The following FSTL5 variants were observed in gnomAD, a reference collection of about 807,000 sequenced individuals.
The protein encoded by FSTL5 is follistatin-related protein 5.
FSTL5 carries 62 observed loss-of-function variants against 89.1 expected under a neutral mutation model. The observed-to-expected ratio is 0.70, with a 90% CI of 0.57 to 0.86. The LOEUF (loss-of-function observed/expected upper bound fraction) is 0.86, where lower values mean the gene tolerates loss of function less well. FSTL5 is among the 40% of genes least tolerant of loss of function. The pLI, the probability that FSTL5 is intolerant of heterozygous loss-of-function variation, is 0.00. For synonymous variants in FSTL5, 383 were observed against 346.2 expected (o/e 1.11, Z -1.18); for missense variants, 1,057 against 1,001.6 (o/e 1.06, Z -0.75).
chr4:162,064,984 C>T (rs570701468), intron 2 of FSTL5, among the ~76,000 whole-genome samples: 6 of 151,780 alleles, frequency 4.0e-5, no homozygotes, highest in Non-Finnish European at 8.8e-5. Context: ...GGGAAGAGTG[C>T]CATGAATACA....
chr4:161,828,397 G>A (rs192076492), intron 4 of FSTL5, among the ~76,000 whole-genome samples: 1 of 152,240 alleles, frequency 6.6e-6, no homozygotes, highest in Admixed American at 6.5e-5. Context: ...TGCAGTTCCT[G>A]GAGTAAAAGT....
intron 2 of FSTL5, among the ~76,000 whole-genome samples, chr4:162,046,265 C>G (rs1327486463): frequency 6.6e-6 from 1 of 152,080 alleles, no homozygotes; most frequent in Non-Finnish European, 1.5e-5. Flanking sequence ...ACTTACAACA[C>G]AATGTTAAAG....
chr4:162,007,138 T>C (rs1485918662), intron 3 of FSTL5, among the ~76,000 whole-genome samples: 1 of 151,836 alleles, frequency 6.6e-6, no homozygotes, highest in Admixed American at 6.6e-5. Flanking sequence ...ATAAAGAAAA[T>C]TTTAAAAAGA....
At chr4:162,050,971 A>G (rs1316423113) in intron 2 of FSTL5, among the ~76,000 whole-genome samples, 2 of 151,568 alleles carry the variant, frequency 1.3e-5, no homozygotes, top group African/African-American at 2.4e-5. Context: ...ATGTAACAAT[A>G]ATAATAATAA....
intron 6 of FSTL5, among the ~76,000 whole-genome samples, chr4:161,747,804 T>C (rs1463538852): frequency 1.3e-5 from 2 of 152,216 alleles, no homozygotes; most frequent in Non-Finnish European, 2.9e-5. Flanking sequence ...ACACAGCACT[T>C]AGTGTACACA....
intron 6 of FSTL5, among the ~76,000 whole-genome samples, chr4:161,684,961 C>T (rs1350090702): frequency 6.6e-6 from 1 of 152,144 alleles, no homozygotes; most frequent in African/African-American, 2.4e-5. Context: ...TTTCATTCTC[C>T]TACATATGGC....
At chr4:161,755,719 G>A (rs955718832) in intron 6 of FSTL5, among the ~76,000 whole-genome samples, 8 of 151,978 alleles carry the variant, frequency 5.3e-5, no homozygotes, top group Non-Finnish European at 1.0e-4. Flanking sequence ...ATTCCTAGGG[G>A]AAAGGAAACC....
intron 3 of FSTL5, among the ~76,000 whole-genome samples, chr4:161,923,944 C>T (rs1161982257): frequency 6.6e-6 from 1 of 151,718 alleles, no homozygotes; most frequent in African/African-American, 2.4e-5. Context: ...CCAAAGAAAG[C>T]TCATATTATG....
At chr4:161,669,794 C>G (rs1214490496) in intron 6 of FSTL5, among the ~76,000 whole-genome samples, 1 of 151,754 alleles carries the variant, frequency 6.6e-6, no homozygotes, top group Non-Finnish European at 1.5e-5. Context: ...TAATTAATAA[C>G]AAGAGGAAAA....
At chr4:161,998,465 A>T (rs1186486132) in intron 3 of FSTL5, among the ~76,000 whole-genome samples, 1 of 152,134 alleles carries the variant, frequency 6.6e-6, no homozygotes, top group Non-Finnish European at 1.5e-5. Context: ...CCCCTTTAGG[A>T]AGACTCTCCT....
chr4:161,431,719 G>C (rs1055054076), intron 15 of FSTL5, among the ~76,000 whole-genome samples: 1 of 151,910 alleles, frequency 6.6e-6, no homozygotes, highest in Admixed American at 6.6e-5. Flanking sequence ...ACCTACAAGA[G>C]ACACATTTCA....
chr4:161,751,804 G>A (rs2126782390), intron 6 of FSTL5, among the ~76,000 whole-genome samples: 1 of 151,364 alleles, frequency 6.6e-6, no homozygotes, highest in Non-Finnish European at 1.5e-5. Context: ...AAAAAAGGAT[G>A]ATCATACAAA....
chr4:161,723,822 T>G (rs543063216), intron 6 of FSTL5, among the ~76,000 whole-genome samples: 3 of 152,114 alleles, frequency 2.0e-5, no homozygotes, highest in African/African-American at 7.2e-5. Flanking sequence ...ACATCAGATT[T>G]GAGAAAAGGT....
intron 1 of FSTL5, among the ~76,000 whole-genome samples, chr4:162,129,066 G>A (rs1732195137): frequency 6.6e-6 from 1 of 151,932 alleles, no homozygotes; most frequent in African/African-American, 2.4e-5. Flanking sequence ...CCAAGTAGCT[G>A]GGATTACAGG....
chr4:161,924,501 T>C (rs1488160402), intron 3 of FSTL5, among the ~76,000 whole-genome samples: 1 of 151,700 alleles, frequency 6.6e-6, no homozygotes, highest in African/African-American at 2.4e-5. Flanking sequence ...TTGGTTGGTA[T>C]ATGATACATA....
intron 6 of FSTL5, among the ~76,000 whole-genome samples, chr4:161,693,206 C>T (rs1415544466): frequency 6.6e-6 from 1 of 152,114 alleles, no homozygotes; most frequent in Non-Finnish European, 1.5e-5. Flanking sequence ...TGGTTAGCTA[C>T]CATTTTCTTA....
At chr4:161,690,381 G>A (rs1737889610) in intron 6 of FSTL5, among the ~76,000 whole-genome samples, 1 of 151,878 alleles carries the variant, frequency 6.6e-6, no homozygotes, top group Middle Eastern at 3.2e-3. Flanking sequence ...CATTATTTTG[G>A]TTTTGAATTG....
intron 1 of FSTL5, among the ~76,000 whole-genome samples, chr4:162,151,221 A>T (rs776452231): frequency 2.6e-5 from 4 of 152,184 alleles, no homozygotes; most frequent in Non-Finnish European, 5.9e-5. Flanking sequence ...AAAGTTTTTA[A>T]ATTAGCAGGT....
intron 4 of FSTL5, among the ~76,000 whole-genome samples, chr4:161,777,243 G>GTATGTATA (rs1553965045): frequency 3.1e-4 from 45 of 145,028 alleles, no homozygotes; most frequent in Non-Finnish European, 4.8e-4. Flanking sequence ...ATTTCATTGT[G>GTATGTATA]TATATATATA....
Sources: gnomAD v4.1 joint callset for allele counts (sites outside exome capture counted in the v4.1 genomes callset) on GRCh38, gnomAD v4.1.1 for gene constraint, MANE v1.5 for transcripts, NCBI Gene and HGNC (gene_info 2026-07-23, HGNC 2026-07-21) for gene names.